GPR132: variants seen among roughly 807,000 people sequenced by gnomAD.
GPR132 encodes the protein G protein-coupled receptor 132, also known as probable G protein-coupled receptor 132.
A neutral mutation model predicts 1.9 loss-of-function variants in GPR132; 4 were observed. The ratio of observed to expected loss-of-function variants is 2.13; its 90% CI spans 1.05 to 4.87. The LOEUF (loss-of-function observed/expected upper bound fraction) is 4.87, where lower values mean the gene tolerates loss of function less well. GPR132 is among the 30% of genes most tolerant of loss of function. The pLI is 0.01. For synonymous variants in GPR132, 233 were observed against 234.2 expected (o/e 0.99, Z 0.05); for missense variants, 404 against 512.5 (o/e 0.79, Z 2.04).
rs1886615856 is a variant in GPR132 at position 105,050,904 on chromosome 14, T to G, written c.*90A>C. ...GGTAGTTTGTCTTCCAGAGGGGACA[T>G]GGGCACTGTGGCTGGTGGGCTCAGT... On this transcript the variant is annotated 3_prime_UTR_variant, in exon 4 of 4. Coordinates refer to ENST00000329797, the MANE Select transcript of GPR132 (RefSeq NM_013345.4). This position sits in a 1 kb window ranked among gnomAD's most constrained non-coding sequence, Gnocchi z 4.0. 1.7e-6 allele frequency: 2 copies of G among 1,206,618 alleles called. No homozygotes were observed. The highest frequency in any genetic ancestry group is 4.8e-5 in the East Asian group (2 of 41,740). The allele number at this position is 1,206,618 out of a possible 1,614,324, so 74.7% of individuals were successfully genotyped here. A position where few individuals can be genotyped will look rare whatever the true frequency, so the allele number is the denominator to read the frequency against.
intron 1 of GPR132, among the ~76,000 whole-genome samples, chr14:105,062,157 G>C (rs1020677784): frequency 2.0e-5 from 3 of 152,186 alleles, no homozygotes; most frequent in African/African-American, 7.2e-5. Flanking sequence ...GTGTGTGTGG[G>C]CCCAGGTCAG....
chr14:105,051,843 C>T lies in GPR132; in HGVS notation c.294G>A (p.Trp98Ter). ...ELLYTGTLPL[W>*]VIYIRNQHRW... ...GGTGCTGGTTGCGGATATAGATGAC[C>T]CAGAGTGGCAGCGTGCCTGTGTACA... The change falls in exon 4 of 4, where the codon TGG (tryptophan) becomes TGA (stop). Residue 98 changes from tryptophan to a stop codon, truncating the protein, a stop_gained. Transcript: ENST00000329797. LOFTEE classifies it low-confidence loss of function (END_TRUNC). The surrounding 1 kb of genome is among the most constrained non-coding windows in gnomAD (Gnocchi z 8.0). The T allele has an allele frequency of 6.2e-7, 1 of 1,614,068 alleles. No individual in the cohort carries two copies. Among genetic ancestry groups the T allele is most frequent in the East Asian group, 2.2e-5 (1 of 44,884 alleles).
rs990139412 is a variant in GPR132, at chr14:105,049,985, C to A, written c.*1009G>T. On this transcript the variant is annotated 3_prime_UTR_variant, in exon 4 of 4. Transcript: ENST00000329797. ...CTGTGCTCTGAGTGCATGCGATGTGCCCGAGGTGTCGGGGCAGGGAGGAGG... is the reference window on the plus strand; with the variant it reads ...CTGTGCTCTGAGTGCATGCGATGTGACCGAGGTGTCGGGGCAGGGAGGAGG... The A allele has an allele frequency of 2.0e-5, 3 of 152,218 alleles. No individual in the cohort carries two copies. The highest frequency in any genetic ancestry group is 7.2e-5 in the African/African-American group (3 of 41,400). 9.4% of individuals were successfully genotyped at this position (152,218 alleles called of 1,614,324 possible).
intron 1 of GPR132, among the ~76,000 whole-genome samples, chr14:105,063,095 T>A (rs1221159640): frequency 6.6e-6 from 1 of 152,050 alleles, no homozygotes. Flanking sequence ...TTTTTGTACT[T>A]TTATTCTTAG....
chr14:105,054,022 C>T (rs1489534946), intron 3 of GPR132: 12 of 1,286,072 alleles, frequency 9.3e-6, no homozygotes, highest in Non-Finnish European at 1.2e-5. Flanking sequence ...GTGTGACTTC[C>T]CCAAGCTCTG....
chr14:105,064,889 C>T (rs1276824298), intron 1 of GPR132, among the ~76,000 whole-genome samples: 1 of 152,078 alleles, frequency 6.6e-6, no homozygotes. Flanking sequence ...ACTGGGCCAA[C>T]TGCCACTCAC....
At chr14:105,062,540 C>CTTTT (rs59869492) in intron 1 of GPR132, among the ~76,000 whole-genome samples, 53 of 128,654 alleles carry the variant, frequency 4.1e-4, no homozygotes, top group Non-Finnish European at 5.8e-4. Flanking sequence ...CTTTTCTTTT[C>CTTTT]TTTTTTTTTT....
chr14:105,056,616 G>A lies in GPR132; in HGVS notation c.-746-450C>T, dbSNP rs780185257. Among the ~76,000 whole-genome samples the A allele has an allele frequency of 3.3e-5, 5 of 152,090 alleles. No homozygotes were observed. The highest frequency in any genetic ancestry group is 1.9e-4 in the East Asian group (1 of 5,182). ...CCCGTGCGGTCTCAGTCAGGGCCTC[G>A]GTGCCCCTCAGTCCCGCACCCCCTG... On this transcript the variant is annotated intron_variant, in intron 2 of 3. Coordinates refer to ENST00000329797, the MANE Select transcript of GPR132 (RefSeq NM_013345.4). This position sits in a 1 kb window ranked among gnomAD's most constrained non-coding sequence, Gnocchi z 6.0.
chr14:105,056,037 G>T lies in GPR132; in HGVS notation c.-617C>A. ...GTCTCATCTCGTGGGGTGCCTCCGC[G>T]CTGTTCTCCACGGTGGTGGCGCTGG... On this transcript the variant is annotated 5_prime_UTR_variant, in exon 3 of 4. Coordinates refer to ENST00000329797, the MANE Select transcript of GPR132 (RefSeq NM_013345.4). This position sits in a 1 kb window ranked among gnomAD's most constrained non-coding sequence, Gnocchi z 6.0. The T allele has an allele frequency of 1.7e-6, 1 of 584,646 alleles. No homozygotes were observed. The highest frequency in any genetic ancestry group is 2.2e-6 in the Non-Finnish European group (1 of 463,496). The allele number at this position is 584,646 out of a possible 1,614,324, so 36.2% of individuals were successfully genotyped here.
chr14:105,051,411 G>A lies in GPR132; in HGVS notation c.726C>T (p.His242=). ...LSAAQKAKVK[H]SAIAVVVIFL... The stretch of plus-strand genomic sequence containing the variant: ...AGATGACAACCACCGCGATGGCCGA[G>A]TGCTTCACCTTGGCCTTCTGGGCAG... The change falls in exon 4 of 4, where the codon CAC becomes CAT. Residue 242 remains histidine, a synonymous_variant. Transcript: ENST00000329797. The surrounding 1 kb of genome is among the most constrained non-coding windows in gnomAD (Gnocchi z 8.0). 5 of 1,614,188 alleles carry A rather than the reference G, an allele frequency of 3.1e-6. No individual in the cohort carries two copies. Among genetic ancestry groups the A allele is most frequent in the South Asian group, 1.1e-5 (1 of 91,088 alleles).
At chr14:105,061,742 TGG>T (rs144273693) in intron 1 of GPR132, among the ~76,000 whole-genome samples, 8 of 148,662 alleles carry the variant, frequency 5.4e-5, no homozygotes, top group Admixed American at 2.7e-4. Context: ...ACCACCCTCC[TGG>T]GGGGGGGGAG....
Position 105,051,147 on chromosome 14 carries a change from G to T in GPR132, c.990C>A (p.Ser330=), listed in dbSNP as rs774532953. 36 of 1,614,034 alleles carry T rather than the reference G, an allele frequency of 2.2e-5. No individual in the cohort carries two copies. Among genetic ancestry groups the T allele is most frequent in the African/African-American group, 2.7e-5 (2 of 74,910 alleles). ...SRIHKGWKEW[S]MKTDVTRLTH... is the part of the protein sequence containing the mutation. The stretch of plus-strand genomic sequence containing the variant: ...TGAGCCTGGTGACGTCTGTCTTCAT[G>T]GACCACTCTTTCCACCCCTTATGGA... Residue 330 remains serine, a synonymous_variant, in exon 4 of 4, where the codon TCC becomes TCA. Transcript: ENST00000329797. The surrounding 1 kb of genome is among the most constrained non-coding windows in gnomAD (Gnocchi z 8.0).
intron 1 of GPR132, among the ~76,000 whole-genome samples, chr14:105,064,289 G>C (rs1432877717): frequency 6.6e-6 from 1 of 152,168 alleles, no homozygotes; most frequent in Non-Finnish European, 1.5e-5. Flanking sequence ...GAAATGTGGA[G>C]TCACCAGCTC....
Position 105,050,884 on chromosome 14 carries a change from T to G in GPR132, c.*110A>C. ...GGCTTCAGGAACGAGAAATTGGTAGTTTGTCTTCCAGAGGGGACATGGGCA... is the reference window on the plus strand; with the variant it reads ...GGCTTCAGGAACGAGAAATTGGTAGGTTGTCTTCCAGAGGGGACATGGGCA... On this transcript the variant is annotated 3_prime_UTR_variant, in exon 4 of 4. Transcript: ENST00000329797. The surrounding 1 kb of genome is among the most constrained non-coding windows in gnomAD (Gnocchi z 4.0). The G allele has an allele frequency of 9.9e-7, 1 of 1,005,952 alleles. No homozygotes were observed. Among genetic ancestry groups the G allele is most frequent in the Non-Finnish European group, 1.5e-6 (1 of 686,852 alleles). The allele number at this position is 1,005,952 out of a possible 1,614,324, so 62.3% of individuals were successfully genotyped here.
Position 105,059,805 on chromosome 14 carries a change from T to C in GPR132, c.-860-2525A>G, listed in dbSNP as rs1480351045. Among the ~76,000 whole-genome samples the C allele has an allele frequency of 1.3e-5, 2 of 152,226 alleles. No individual in the cohort carries two copies. Among genetic ancestry groups the C allele is most frequent in the African/African-American group, 4.8e-5 (2 of 41,474 alleles). On this transcript the variant is annotated intron_variant, in intron 1 of 3. Coordinates refer to ENST00000329797, the MANE Select transcript of GPR132 (RefSeq NM_013345.4). This position sits in a 1 kb window ranked among gnomAD's most constrained non-coding sequence, Gnocchi z 4.2. ...TTAGCAAATAAACCTCCTAAAATGA[T>C]TGAGACTTGTCTCGACGTTTTTTAA...
At chr14:105,053,438 G>A (rs1054650976) in intron 3 of GPR132, among the ~76,000 whole-genome samples, 1 of 152,120 alleles carries the variant, frequency 6.6e-6, no homozygotes, top group Non-Finnish European at 1.5e-5. Flanking sequence ...GGGATTACAG[G>A]CGTGAGCCAC....
chr14:105,054,363 C>T (rs1886729428), intron 3 of GPR132: 1 of 985,162 alleles, frequency 1.0e-6, no homozygotes, highest in Non-Finnish European at 1.2e-6. Flanking sequence ...ACCTCCAGCA[C>T]GATGGGGCAA....
At chr14:105,054,979 G>T (rs905758646) in intron 3 of GPR132, among the ~76,000 whole-genome samples, 3 of 145,232 alleles carry the variant, frequency 2.1e-5, no homozygotes, top group Admixed American at 7.0e-5. Context: ...GGCAGAGATT[G>T]CGCCACTGCA....
rs3803321 is a variant in GPR132 at position 105,052,119 on chromosome 14, A to C, written c.35-17T>G. 46,632 of 1,539,400 alleles carry C rather than the reference A, an allele frequency of 0.03. 3,079 individuals carry two copies. Among genetic ancestry groups the C allele is most frequent in the East Asian group, 0.26 (11,434 of 44,108 alleles). ...TGGCGTTTCCTGTGGGACAGAGACAAGAGTGAGGACGGGAGTCCCTGGAAA... is the reference window on the plus strand; with the variant it reads ...TGGCGTTTCCTGTGGGACAGAGACACGAGTGAGGACGGGAGTCCCTGGAAA... On this transcript the variant is annotated splice_polypyrimidine_tract_variant and intron_variant, in intron 3 of 3. Transcript: ENST00000329797.
Sources: allele counts gnomAD v4.1 joint callset (sites outside exome capture counted in the v4.1 genomes callset), GRCh38; gene constraint gnomAD v4.1.1; non-coding constraint Gnocchi (gnomAD v3.1); transcripts MANE v1.5; gene names NCBI Gene and HGNC (gene_info 2026-07-23, HGNC 2026-07-21).